The following KLHL42 variants were observed in gnomAD, a reference collection of about 807,000 sequenced individuals.
The protein encoded by KLHL42 is kelch-like protein 42.
A neutral mutation model predicts 32.7 loss-of-function variants in KLHL42; 27 were observed. The ratio of observed to expected loss-of-function variants is 0.83; its 90% CI spans 0.61 to 1.14. KLHL42 has a LOEUF of 1.14. Among genes scored for constraint, KLHL42 ranks in the 50% most tolerant of loss-of-function variants. The pLI is 0.00. For synonymous variants in KLHL42, 267 were observed against 248.2 expected, an observed-to-expected ratio of 1.08 and a Z score of -0.71; for missense variants, 491 against 560.8, an observed-to-expected ratio of 0.88 and a Z score of 1.26.
intron 2 of KLHL42, among the ~76,000 whole-genome samples, chr12:27,795,594 T>C (rs1353446541): frequency 6.6e-6 from 1 of 151,540 alleles, no homozygotes; most frequent in African/African-American, 2.4e-5. Context: ...TAATAGTTCC[T>C]TGTATTTCAG....
intron 1 of KLHL42, among the ~76,000 whole-genome samples, chr12:27,789,372 T>TTA: frequency 6.6e-6 from 1 of 152,218 alleles, no homozygotes; most frequent in Admixed American, 6.5e-5. Context: ...GCAGTATGCC[T>TTA]CTTTATTAAA....
At position 27,800,947 on chromosome 12, in the gene KLHL42, G is replaced by A. The variant is rs2062244752; in HGVS notation, c.*2781G>A. The A allele has an allele frequency of 6.6e-6, 1 of 152,216 alleles. No individual in the cohort carries two copies. The highest frequency in any genetic ancestry group is 2.1e-4 in the South Asian group (1 of 4,826). 9.4% of individuals were successfully genotyped at this position (152,216 alleles called of 1,614,324 possible). On this transcript the variant is annotated 3_prime_UTR_variant, in exon 3 of 3. Coordinates refer to ENST00000381271, the MANE Select transcript of KLHL42 (RefSeq NM_020782.2). Reference sequence around the variant, plus strand: ...TAGATAGCAGTCTGAATGGTAGAGAGTCCTGTGTGTGGGTTGTTAGAAGGT... The same window carrying A: ...TAGATAGCAGTCTGAATGGTAGAGAATCCTGTGTGTGGGTTGTTAGAAGGT...
chr12:27,782,965 T>C (rs2140811962), intron 1 of KLHL42, among the ~76,000 whole-genome samples: 1 of 152,270 alleles, frequency 6.6e-6, no homozygotes, highest in East Asian at 1.9e-4. Flanking sequence ...ATATGTATAC[T>C]TGTATAAATA....
At chr12:27,795,964 A>AT (rs1420264657) in intron 2 of KLHL42, among the ~76,000 whole-genome samples, 1 of 152,232 alleles carries the variant, frequency 6.6e-6, no homozygotes. Context: ...CCTCACTAGA[A>AT]TGAGTTCTTT....
chr12:27,784,467 A>C (rs2140813650), intron 1 of KLHL42, among the ~76,000 whole-genome samples: 1 of 152,012 alleles, frequency 6.6e-6, no homozygotes, highest in African/African-American at 2.4e-5. Context: ...ATTTTGTTGA[A>C]GCTGGGTGCA....
At chr12:27,786,889 A>AT (rs1474480822) in intron 1 of KLHL42, among the ~76,000 whole-genome samples, 4 of 150,214 alleles carry the variant, frequency 2.7e-5, no homozygotes, top group Non-Finnish European at 5.9e-5. Context: ...TGCCTGGCTA[A>AT]TTTTTTTTTG....
chr12:27,785,343 G>A (rs2062167595), intron 1 of KLHL42, among the ~76,000 whole-genome samples: 1 of 152,062 alleles, frequency 6.6e-6, no homozygotes, highest in Non-Finnish European at 1.5e-5. Context: ...GGGACTACAG[G>A]CATGCAACAC....
At position 27,780,783 on chromosome 12, in the gene KLHL42, C is replaced by T; in HGVS notation, c.453C>T (p.Arg151=). The T allele has an allele frequency of 6.2e-7, 1 of 1,613,686 alleles. No homozygotes were observed. ...GLPDLQEACL[R]FMVVHFHEVL... ...CCGACCTGCAGGAGGCCTGCCTGCG[C>T]TTCATGGTCGTCCACTTCCACGAGG... The change falls in exon 1 of 3, where the codon CGC becomes CGT. Residue 151 remains arginine, a synonymous_variant. Transcript: ENST00000381271. This position sits in a 1 kb window ranked among gnomAD's most constrained non-coding sequence, Gnocchi z 8.8.
chr12:27,789,701 CAGAG>C (rs1226640375), intron 1 of KLHL42, among the ~76,000 whole-genome samples: 6 of 152,122 alleles, frequency 3.9e-5, no homozygotes, highest in Non-Finnish European at 7.3e-5. Flanking sequence ...TTTGCACACA[CAGAG>C]AGGGCATCAT....
In KLHL42 at chr12:27,781,846, C is replaced by G. The variant is rs374104087; in HGVS notation, c.872+644C>G. Among the ~76,000 whole-genome samples the G allele has an allele frequency of 3.9e-5, 6 of 152,290 alleles. No homozygotes were observed. The East Asian group carries it at 9.6e-4, about 24-fold the overall frequency. ...GGAATATTTTCATTTACGCAACCTT[C>G]TCCCCCTCCCATCCTGCAAATCTCT... On this transcript the variant is annotated intron_variant, in intron 1 of 2. Transcript: ENST00000381271.
intron 1 of KLHL42, among the ~76,000 whole-genome samples, chr12:27,781,622 T>C (rs1226523665): frequency 2.0e-5 from 3 of 152,234 alleles, no homozygotes; most frequent in Non-Finnish European, 4.4e-5. Context: ...GGGGGATTTT[T>C]TTCTGATGTC....
chr12:27,799,940 C>G lies in KLHL42; in HGVS notation c.*1774C>G. 1 of 896,664 alleles carries G rather than the reference C, an allele frequency of 1.1e-6. No homozygotes were observed. The highest frequency in any genetic ancestry group is 5.2e-5 in the South Asian group (1 of 19,354). The allele number at this position is 896,664 out of a possible 1,614,324, so 55.5% of individuals were successfully genotyped here. ...CCTTAAAAAAATAAAACCTCTGAACCAAAATCTTCCCAGGAATAGTACTTA... is the reference window on the plus strand; with the variant it reads ...CCTTAAAAAAATAAAACCTCTGAACGAAAATCTTCCCAGGAATAGTACTTA... On this transcript the variant is annotated 3_prime_UTR_variant, in exon 3 of 3. Transcript: ENST00000381271.
intron 1 of KLHL42, among the ~76,000 whole-genome samples, chr12:27,784,114 G>A (rs374402395): frequency 6.7e-4 from 99 of 148,808 alleles, no homozygotes; most frequent in African/African-American, 2.2e-3. Context: ...AGGGCAAAGT[G>A]TATGTGTTTT....
Position 27,780,564 on chromosome 12 carries a change from G to T in KLHL42, c.234G>T (p.Trp78Cys). 1 of 1,535,108 alleles carries T rather than the reference G, an allele frequency of 6.5e-7. No homozygotes were observed. ...ACGCCGGCGGGGCCCGCGAAGGCTG[G>T]CTCCTGGGCCCGCGCGGGGAAAAGG... ...FINAGGAREG[W>C]LLGPRGEKGG... Residue 78 changes from tryptophan to cysteine, a missense_variant, in exon 1 of 3, where the codon TGG becomes TGT. Physicochemically the swap from Trp to Cys is radical, Grantham distance 215. Coordinates refer to ENST00000381271, the MANE Select transcript of KLHL42 (RefSeq NM_020782.2). The surrounding 1 kb of genome is among the most constrained non-coding windows in gnomAD (Gnocchi z 8.8).
At chr12:27,782,161 A>G (rs1357872794) in intron 1 of KLHL42, among the ~76,000 whole-genome samples, 1 of 152,130 alleles carries the variant, frequency 6.6e-6, no homozygotes, top group African/African-American at 2.4e-5. Context: ...GTGTGGAGCA[A>G]GGAGTTGGGG....
rs774869021 is a variant in KLHL42, at chr12:27,780,570, G to A, written c.240G>A (p.Leu80=). 31 of 1,537,604 alleles carry A rather than the reference G, an allele frequency of 2.0e-5. No homozygotes were observed. The highest frequency in any genetic ancestry group is 2.7e-5 in the Non-Finnish European group (31 of 1,145,744). ...NAGGAREGWL[L]GPRGEKGGGV... is the part of the protein sequence containing the mutation. ...GCGGGGCCCGCGAAGGCTGGCTCCTGGGCCCGCGCGGGGAAAAGGGCGGCG... is the reference window on the plus strand; with the variant it reads ...GCGGGGCCCGCGAAGGCTGGCTCCTAGGCCCGCGCGGGGAAAAGGGCGGCG... The change falls in exon 1 of 3, where the codon CTG becomes CTA. Residue 80 remains leucine, a synonymous_variant. Coordinates refer to ENST00000381271, the MANE Select transcript of KLHL42 (RefSeq NM_020782.2). The surrounding 1 kb of genome is among the most constrained non-coding windows in gnomAD (Gnocchi z 8.8).
chr12:27,788,888 T>C (rs1209820027), intron 1 of KLHL42, among the ~76,000 whole-genome samples: 2 of 152,262 alleles, frequency 1.3e-5, no homozygotes, highest in African/African-American at 4.8e-5. Context: ...CTCGTGAACA[T>C]AGTGTGTTAA....
At chr12:27,783,143 A>G (rs1015380380) in intron 1 of KLHL42, among the ~76,000 whole-genome samples, 2 of 152,244 alleles carry the variant, frequency 1.3e-5, no homozygotes, top group Non-Finnish European at 2.9e-5. Flanking sequence ...TATGTAGTAT[A>G]TACTTTATTC....
intron 1 of KLHL42, among the ~76,000 whole-genome samples, chr12:27,786,242 T>G (rs992427168): frequency 5.3e-5 from 8 of 152,188 alleles, no homozygotes; most frequent in African/African-American, 1.9e-4. Flanking sequence ...TAAAAAAAAT[T>G]ATTTCCTTCT....
Sources: gnomAD v4.1 joint callset for allele counts (sites outside exome capture counted in the v4.1 genomes callset) on GRCh38, gnomAD v4.1.1 for gene constraint, Gnocchi (gnomAD v3.1) non-coding constraint, MANE v1.5 for transcripts, NCBI Gene and HGNC (gene_info 2026-07-23, HGNC 2026-07-21) for gene names.